The following LRRC8D variants were observed in gnomAD, a reference collection of about 807,000 sequenced individuals.
LRRC8D encodes the protein volume-regulated anion channel subunit LRRC8D.
In LRRC8D, 20 loss-of-function variants were observed where a neutral mutation model predicts 55.8. That is an observed-to-expected ratio of 0.36 (90% confidence interval 0.25 to 0.52). The LOEUF is 0.52. Ranked by LOEUF, LRRC8D falls within the 20% of genes least tolerant of loss-of-function variation. LRRC8D has a pLI of 0.93. For synonymous variants in LRRC8D, 352 were observed against 377.0 expected (o/e 0.93, Z 0.77); for missense variants, 651 against 1,030.8 (o/e 0.63, Z 5.05).
chr1:89,900,770 G>C (rs1387172484), intron 2 of LRRC8D, among the ~76,000 whole-genome samples: 1 of 152,218 alleles, frequency 6.6e-6, no homozygotes, highest in Admixed American at 6.5e-5. Context: ...CAAAACCACA[G>C]CAGCATCTCA....
chr1:89,882,581 A>G (rs1306055018), intron 2 of LRRC8D, among the ~76,000 whole-genome samples: 2 of 152,214 alleles, frequency 1.3e-5, no homozygotes, highest in African/African-American at 4.8e-5. Context: ...AGAAAACCAC[A>G]GTACCTCCAG....
chr1:89,854,307 A>C (rs1288544747), intron 2 of LRRC8D, among the ~76,000 whole-genome samples: 1 of 152,168 alleles, frequency 6.6e-6, no homozygotes, highest in Non-Finnish European at 1.5e-5. Context: ...CCAGTGCTTT[A>C]GGATGAGTGA....
intron 2 of LRRC8D, among the ~76,000 whole-genome samples, chr1:89,912,403 C>T (rs1170463034): frequency 6.9e-6 from 1 of 145,234 alleles, no homozygotes; most frequent in Non-Finnish European, 1.5e-5. Flanking sequence ...CCAACCCTCA[C>T]CCCCCACCCC....
chr1:89,874,138 G>A (rs939174643), intron 2 of LRRC8D, among the ~76,000 whole-genome samples: 1 of 152,166 alleles, frequency 6.6e-6, no homozygotes, highest in African/African-American at 2.4e-5. Context: ...GGGTTTGTAG[G>A]TACTTTGTTT....
chr1:89,916,938 C>A (rs376247017), intron 2 of LRRC8D, among the ~76,000 whole-genome samples: 1 of 152,080 alleles, frequency 6.6e-6, no homozygotes, highest in Non-Finnish European at 1.5e-5. Flanking sequence ...ATTTCCATTT[C>A]ATTGATAAGG....
intron 2 of LRRC8D, among the ~76,000 whole-genome samples, chr1:89,849,989 C>T (rs1397328228): frequency 6.6e-6 from 1 of 152,152 alleles, no homozygotes; most frequent in East Asian, 1.9e-4. Context: ...TGTCTCTCCT[C>T]ATTTTCTTTT....
intron 2 of LRRC8D, among the ~76,000 whole-genome samples, chr1:89,887,826 C>T: frequency 6.6e-6 from 1 of 152,244 alleles, no homozygotes; most frequent in South Asian, 2.1e-4. Flanking sequence ...CATTCTTCTT[C>T]TTATTTTCTT....
At chr1:89,897,765 G>A (rs796629995) in intron 2 of LRRC8D, among the ~76,000 whole-genome samples, 30 of 152,206 alleles carry the variant, frequency 2.0e-4, no homozygotes, top group African/African-American at 7.0e-4. Flanking sequence ...TTTGCTCTGA[G>A]AGAGGACACC....
In LRRC8D at chr1:89,933,222, G is replaced by T; in HGVS notation, c.154G>T (p.Val52Leu). 1 of 1,614,190 alleles carries T rather than the reference G, an allele frequency of 6.2e-7. No homozygotes were observed. The highest frequency in any genetic ancestry group is 8.5e-7 in the Non-Finnish European group (1 of 1,180,046). ...AGTMQLTKDQ[V>L]VCLPVLPSPV... ...AACCATGCAACTTACCAAAGATCAG[G>T]TGGTCTGTTTGCCAGTATTGCCATC... Residue 52 changes from valine to leucine, a missense_variant, in exon 3 of 3, where the codon GTG (valine) becomes TTG (leucine). By Grantham distance (32) the Val-to-Leu change is conservative. Coordinates refer to ENST00000337338, the MANE Select transcript of LRRC8D (RefSeq NM_001134479.2). This position sits in a 1 kb window ranked among gnomAD's most constrained non-coding sequence, Gnocchi z 7.0.
chr1:89,906,253 TC>T, intron 2 of LRRC8D, among the ~76,000 whole-genome samples: 1 of 152,144 alleles, frequency 6.6e-6, no homozygotes, highest in South Asian at 2.1e-4. Context: ...GAACAAGACA[TC>T]TGGTACTGTA....
At chr1:89,858,953 G>A (rs949272158) in intron 2 of LRRC8D, among the ~76,000 whole-genome samples, 5 of 152,068 alleles carry the variant, frequency 3.3e-5, no homozygotes, top group Non-Finnish European at 5.9e-5. Context: ...CAAAATAAAT[G>A]TAAAAAGAAT....
intron 2 of LRRC8D, among the ~76,000 whole-genome samples, chr1:89,884,344 C>G (rs888974490): frequency 2.0e-5 from 3 of 152,110 alleles, no homozygotes; most frequent in African/African-American, 7.2e-5. Context: ...AGGAAAACGC[C>G]CACATAATAA....
chr1:89,872,311 G>T (rs868356937), intron 2 of LRRC8D, among the ~76,000 whole-genome samples: 1 of 152,226 alleles, frequency 6.6e-6, no homozygotes, highest in Admixed American at 6.5e-5. Flanking sequence ...CAGAAATGTC[G>T]CATATCCCTT....
At chr1:89,838,366 C>T (rs1020719611) in intron 1 of LRRC8D, among the ~76,000 whole-genome samples, 2 of 151,994 alleles carry the variant, frequency 1.3e-5, no homozygotes, top group African/African-American at 4.8e-5. Context: ...CAGAGTGAGA[C>T]TCTGTCTCAA....
At chr1:89,891,813 G>A (rs1017938105) in intron 2 of LRRC8D, among the ~76,000 whole-genome samples, 27 of 152,158 alleles carry the variant, frequency 1.8e-4, no homozygotes, top group Admixed American at 1.3e-4. Flanking sequence ...TCATCTGTCT[G>A]CAAGAGTTGT....
chr1:89,882,765 G>A (rs1393057186), intron 2 of LRRC8D, among the ~76,000 whole-genome samples: 2 of 152,214 alleles, frequency 1.3e-5, no homozygotes, highest in African/African-American at 4.8e-5. Flanking sequence ...CTATAATAGA[G>A]AGTAGTTCTT....
At chr1:89,823,187 TTAG>T (rs1346477853) in intron 1 of LRRC8D, among the ~76,000 whole-genome samples, 2 of 152,234 alleles carry the variant, frequency 1.3e-5, no homozygotes, top group Non-Finnish European at 2.9e-5. Flanking sequence ...GAAACTGTCC[TTAG>T]ATGACCCAGC....
At chr1:89,873,884 TC>T (rs1662084457) in intron 2 of LRRC8D, among the ~76,000 whole-genome samples, 1 of 152,214 alleles carries the variant, frequency 6.6e-6, no homozygotes, top group Non-Finnish European at 1.5e-5. Flanking sequence ...GTGTTTTTTT[TC>T]CTCATCAGCT....
intron 2 of LRRC8D, among the ~76,000 whole-genome samples, chr1:89,924,073 A>G (rs1283352623): frequency 6.6e-6 from 1 of 152,258 alleles, no homozygotes; most frequent in Non-Finnish European, 1.5e-5. Context: ...ACAAAAATTG[A>G]CAAGTGGGAC....
Sources: gnomAD v4.1 joint callset for allele counts (sites outside exome capture counted in the v4.1 genomes callset) on GRCh38, gnomAD v4.1.1 for gene constraint, Gnocchi (gnomAD v3.1) non-coding constraint, MANE v1.5 for transcripts, NCBI Gene and HGNC (gene_info 2026-07-23, HGNC 2026-07-21) for gene names.